The following MAP7D1 variants were observed in gnomAD, a reference collection of about 807,000 sequenced individuals.
MAP7D1 encodes the protein MAP7 domain containing 1.
In MAP7D1, 30 loss-of-function variants were observed where a neutral mutation model predicts 97.5. The ratio of observed to expected loss-of-function variants is 0.31; its 90% CI spans 0.23 to 0.42. The LOEUF is 0.42. Among genes scored for constraint, MAP7D1 ranks in the 10% least tolerant of loss-of-function variants. The probability of loss-of-function intolerance (pLI) is 1.00; values close to 1 mark genes in which losing one functional copy is unlikely to be tolerated. For missense variants in MAP7D1, 1,184 were observed against 1,179.5 expected (o/e 1.00, Z -0.06); for synonymous variants, 536 against 477.1 (o/e 1.12, Z -1.61).
Position 36,171,438 on chromosome 1 carries a change from G to A in MAP7D1, c.392-75G>A, listed in dbSNP as rs552778720. The A allele has an allele frequency of 2.7e-5, 43 of 1,577,012 alleles. No homozygotes were observed. The African/African-American group carries it at 4.3e-4, about 16-fold the overall frequency. ...ATAAAGAAAGGATGGGGTGAGGCCCGGAGGGAGGGATCTGAGGCTGACTCC... is the reference window on the plus strand; with the variant it reads ...ATAAAGAAAGGATGGGGTGAGGCCCAGAGGGAGGGATCTGAGGCTGACTCC... On this transcript the variant is annotated intron_variant, in intron 2 of 16. Transcript: ENST00000474796.
intron 3 of MAP7D1, chr1:36,171,849 G>C: frequency 8.4e-6 from 2 of 239,500 alleles, no homozygotes; most frequent in South Asian, 8.5e-5. Context: ...TAGGAGAACT[G>C]CTTGAACCTG....
At chr1:36,164,157 A>G (rs915056221) in intron 1 of MAP7D1, among the ~76,000 whole-genome samples, 2 of 152,130 alleles carry the variant, frequency 1.3e-5, no homozygotes, top group Admixed American at 1.3e-4. Flanking sequence ...AAAATCTTCT[A>G]TATGCTTTAG....
rs751911313 is a variant in MAP7D1 at position 36,176,722 on chromosome 1, A to T, written c.1259A>T (p.Lys420Met). The T allele has an allele frequency of 1.2e-6, 2 of 1,603,888 alleles. No homozygotes were observed. Among genetic ancestry groups the T allele is most frequent in the Non-Finnish European group, 1.7e-6 (2 of 1,175,832 alleles). The change falls in exon 8 of 17, where the codon AAG becomes ATG. Residue 420 changes from lysine (K) to methionine (M), a missense_variant. Lys to Met is a moderately conservative substitution (Grantham distance 95, BLOSUM62 -1). Transcript: ENST00000474796. The surrounding 1 kb of genome is among the most constrained non-coding windows in gnomAD (Gnocchi z 6.1). ...GTGCAGAAAAAGGAGAAGAAGGACA[A>T]GGAGCGGGAAAACGAGAAGGAGAAG... is the stretch of plus-strand genomic sequence containing the variant. ...SPVQKKEKKD[K>M]ERENEKEKSA...
intron 1 of MAP7D1, among the ~76,000 whole-genome samples, chr1:36,166,465 C>A (rs943737200): frequency 6.7e-6 from 1 of 149,452 alleles, no homozygotes; most frequent in African/African-American, 2.5e-5. Context: ...TCTTGGCTTA[C>A]TGCAAGCTCC....
At chr1:36,168,838 CCTGA>C (rs1644504742) in intron 1 of MAP7D1, among the ~76,000 whole-genome samples, 1 of 152,174 alleles carries the variant, frequency 6.6e-6, no homozygotes, top group Non-Finnish European at 1.5e-5. Flanking sequence ...GTCCAGGCTC[CCTGA>C]CTGACCAGCT....
chr1:36,178,782 G>A lies in MAP7D1; in HGVS notation c.1984G>A (p.Ala662Thr), dbSNP rs546191534. ...GGAGGAGCAGGAGGCACGAGAGAAGGCGCAGGCCGAGCAGGAGGAGCAGGA... is the reference window on the plus strand; with the variant it reads ...GGAGGAGCAGGAGGCACGAGAGAAGACGCAGGCCGAGCAGGAGGAGCAGGA... ...RREEQEAREKAQAEQEEQERL... is the reference protein window; with the variant it reads ...RREEQEAREKTQAEQEEQERL... Residue 662 changes from alanine to threonine, a missense_variant, in exon 11 of 17, where the codon GCG becomes ACG. By Grantham distance (58) the Ala-to-Thr change is moderately conservative (BLOSUM62 0). Transcript: ENST00000474796. The A allele has an allele frequency of 2.6e-6, 4 of 1,547,436 alleles. No homozygotes were observed. The highest frequency in any genetic ancestry group is 1.4e-5 in the African/African-American group (1 of 72,840).
At chr1:36,172,170 C>T (rs2124230771) in intron 3 of MAP7D1, 1 of 257,004 alleles carries the variant, frequency 3.9e-6, no homozygotes, top group East Asian at 7.2e-5. Context: ...ATGTGGACAT[C>T]TGTCTGGTAG....
chr1:36,177,996 T>G lies in MAP7D1; in HGVS notation c.1503T>G (p.Thr501=). The G allele has an allele frequency of 6.2e-7, 1 of 1,612,544 alleles. No homozygotes were observed. Among genetic ancestry groups the G allele is most frequent in the Non-Finnish European group, 8.5e-7 (1 of 1,179,026 alleles). ...PPKPPSPRGT[T]ASPKGRVRRK... ...AGCCACCGTCCCCCCGAGGCACCAC[T>G]GCATCCCCCAAGGGGCGGGTTCGGA... Residue 501 remains threonine, a synonymous_variant, in exon 9 of 17, where the codon ACT becomes ACG. Coordinates refer to ENST00000474796, the MANE Select transcript of MAP7D1 (RefSeq NM_001388490.1).
chr1:36,174,021 C>T (rs1307287684), intron 5 of MAP7D1, among the ~76,000 whole-genome samples: 5 of 152,162 alleles, frequency 3.3e-5, no homozygotes, highest in African/African-American at 9.7e-5. Flanking sequence ...TTTGCCTTGG[C>T]GTGTTTGTGA....
chr1:36,175,813 C>T lies in MAP7D1; in HGVS notation c.851-386C>T, dbSNP rs1236735793. The stretch of plus-strand genomic sequence containing the variant: ...CCCTCACTGTCCTGAATCCATGGGA[C>T]AGCCTCGGCTGGGTCAGCCCTCTGA... On this transcript the variant is annotated intron_variant, in intron 6 of 16. Coordinates refer to ENST00000474796, the MANE Select transcript of MAP7D1 (RefSeq NM_001388490.1). 4.6e-5 allele frequency among the ~76,000 whole-genome samples: 7 copies of T among 152,236 alleles called. 1 individual carries two copies. Among genetic ancestry groups the T allele is most frequent in the African/African-American group, 1.7e-4 (7 of 41,466 alleles).
chr1:36,159,366 T>C lies in MAP7D1; in HGVS notation c.46+2903T>C, dbSNP rs1158870102. On this transcript the variant is annotated intron_variant, in intron 1 of 16. Coordinates refer to ENST00000474796, the MANE Select transcript of MAP7D1 (RefSeq NM_001388490.1). The surrounding 1 kb of genome is among the most constrained non-coding windows in gnomAD (Gnocchi z 5.4). ...CCACCACCCCCAGCCTAGCTATTTG[T>C]TTTTTGTCATTATTTTTAATTCCGT... Among the ~76,000 whole-genome samples the C allele has an allele frequency of 6.6e-6, 1 of 152,198 alleles. No homozygotes were observed. Among genetic ancestry groups the C allele is most frequent in the Non-Finnish European group, 1.5e-5 (1 of 68,046 alleles).
chr1:36,163,824 T>A, intron 1 of MAP7D1, among the ~76,000 whole-genome samples: 1 of 29,970 alleles, frequency 3.3e-5, no homozygotes, highest in Admixed American at 3.5e-4. Flanking sequence ...TTTCTTTTTT[T>A]TTTTTTTTTT....
rs777282053 is a variant in MAP7D1 at position 36,176,736 on chromosome 1, G to A, written c.1273G>A (p.Glu425Lys). The A allele has an allele frequency of 5.0e-6, 8 of 1,604,080 alleles. No homozygotes were observed. In the South Asian group the frequency reaches 5.6e-5, roughly 11 times the overall value. ...GAAGAAGGACAAGGAGCGGGAAAAC[G>A]AGAAGGAGAAGAGTGCCCTAGCCCG... ...KEKKDKEREN[E>K]KEKSALARER... The change falls in exon 8 of 17, where the codon GAG becomes AAG. Residue 425 changes from glutamate (E) to lysine (K), a missense_variant. Glu to Lys is a moderately conservative substitution (Grantham distance 56). Coordinates refer to ENST00000474796, the MANE Select transcript of MAP7D1 (RefSeq NM_001388490.1). The surrounding 1 kb of genome is among the most constrained non-coding windows in gnomAD (Gnocchi z 6.1).
At position 36,178,774 on chromosome 1, in the gene MAP7D1, G is replaced by C. The variant is rs575857626; in HGVS notation, c.1976G>C (p.Arg659Pro). 6.5e-7 allele frequency: 1 copy of C among 1,547,386 alleles called. No individual in the cohort carries two copies. Among genetic ancestry groups the C allele is most frequent in the Non-Finnish European group, 8.7e-7 (1 of 1,145,794 alleles). The change falls in exon 11 of 17, where the codon CGA (arginine) becomes CCA (proline). Residue 659 changes from arginine to proline, a missense_variant. Arg to Pro is a moderately radical substitution (Grantham distance 103). Coordinates refer to ENST00000474796, the MANE Select transcript of MAP7D1 (RefSeq NM_001388490.1). ...CGGAGGCGGGAGGAGCAGGAGGCAC[G>C]AGAGAAGGCGCAGGCCGAGCAGGAG... ...EARRREEQEAREKAQAEQEEQ... is the reference protein window; with the variant it reads ...EARRREEQEAPEKAQAEQEEQ...
intron 6 of MAP7D1, among the ~76,000 whole-genome samples, chr1:36,175,898 A>G (rs1390238602): frequency 6.6e-6 from 1 of 152,200 alleles, no homozygotes; most frequent in Non-Finnish European, 1.5e-5. Context: ...GTTTTCTTCC[A>G]ATCCTGGATG....
rs752710016 is a variant in MAP7D1 at position 36,176,389 on chromosome 1, G to A, written c.1041G>A (p.Pro347=). ...CAGGGGCCAGCCTGGCGCGCGGGCC[G>A]CAACCCGACCGCACTCATCCCTCTG... The part of the protein sequence containing the change: ...GRAGASLARG[P]QPDRTHPSAA... Residue 347 remains proline, a synonymous_variant, in exon 7 of 17, where the codon CCG becomes CCA. Transcript: ENST00000474796. The surrounding 1 kb of genome is among the most constrained non-coding windows in gnomAD (Gnocchi z 6.1). 8.5e-6 allele frequency: 13 copies of A among 1,526,556 alleles called. No individual in the cohort carries two copies. Among genetic ancestry groups the A allele is most frequent in the African/African-American group, 2.8e-5 (2 of 71,118 alleles). 94.6% of individuals were successfully genotyped at this position (1,526,556 alleles called of 1,614,324 possible). A position where few individuals can be genotyped will look rare whatever the true frequency, so the allele number is the denominator to read the frequency against.
At chr1:36,174,211 T>C (rs1366382826) in intron 5 of MAP7D1, among the ~76,000 whole-genome samples, 1 of 152,224 alleles carries the variant, frequency 6.6e-6, no homozygotes, top group East Asian at 1.9e-4. Context: ...AGGTCACATG[T>C]GTGTGGTGCC....
Position 36,171,215 on chromosome 1 carries a change from C to A in MAP7D1, c.291C>A (p.Thr97=). 1 of 1,612,766 alleles carries A rather than the reference C, an allele frequency of 6.2e-7. No individual in the cohort carries two copies. The highest frequency in any genetic ancestry group is 8.5e-7 in the Non-Finnish European group (1 of 1,179,268). ...PSSEAKSRGP[T]PPAMGPRDAR... is the part of the protein sequence containing the mutation. ...CTGAAGCAAAGAGCAGAGGACCCAC[C>A]CCACCAGCCATGGGCCCACGGGATG... The change falls in exon 2 of 17, where the codon ACC becomes ACA. Residue 97 remains threonine, a synonymous_variant. Coordinates refer to ENST00000474796, the MANE Select transcript of MAP7D1 (RefSeq NM_001388490.1).
chr1:36,163,053 G>A (rs986771621), intron 1 of MAP7D1, among the ~76,000 whole-genome samples: 1 of 152,162 alleles, frequency 6.6e-6, no homozygotes, highest in Admixed American at 6.6e-5. Flanking sequence ...AGAGTTGTTG[G>A]GGTGGGAGGA....
Sources: gnomAD v4.1 joint callset for allele counts (sites outside exome capture counted in the v4.1 genomes callset) on GRCh38, gnomAD v4.1.1 for gene constraint, Gnocchi (gnomAD v3.1) non-coding constraint, MANE v1.5 for transcripts, NCBI Gene and HGNC (gene_info 2026-07-23, HGNC 2026-07-21) for gene names.